Variants in IL1RAPL2 observed in about 807,000 individuals in gnomAD.
The protein encoded by IL1RAPL2 is interleukin 1 receptor accessory protein like 2.
Under a neutral mutation model 44.1 loss-of-function variants are expected in IL1RAPL2, and 3 were observed. That is an observed-to-expected ratio of 0.07 (90% CI 0.03 to 0.18). The LOEUF is 0.18. Ranked by LOEUF, IL1RAPL2 falls within the 10% of genes least tolerant of loss-of-function variation. The probability of loss-of-function intolerance (pLI) is 1.00; values close to 1 mark genes in which losing one functional copy is unlikely to be tolerated. For synonymous variants in IL1RAPL2, 181 were observed against 178.8 expected, an observed-to-expected ratio of 1.01 and a Z score of -0.10; for missense variants, 391 against 496.4, an observed-to-expected ratio of 0.79 and a Z score of 2.02.
At chrX:104,808,031 C>T (rs1326652727) in intron 2 of IL1RAPL2, among the ~76,000 whole-genome samples, 2 of 111,808 alleles carry the variant, frequency 1.8e-5, no homozygotes, top group African/African-American at 6.5e-5. Context: ...TATTTTCACT[C>T]TAGTTTTCTA....
chrX:104,609,416 A>G (rs975560353), intron 1 of IL1RAPL2, among the ~76,000 whole-genome samples: 1 of 111,397 alleles, frequency 9.0e-6, no homozygotes, highest in African/African-American at 3.3e-5. Context: ...CTAGGTTGGG[A>G]AAGTTCTAGA....
chrX:105,329,776 T>C (rs2034971662), intron 5 of IL1RAPL2, among the ~76,000 whole-genome samples: 5 of 111,319 alleles, frequency 4.5e-5, no homozygotes, highest in Admixed American at 3.9e-4. Flanking sequence ...ACACTGTATT[T>C]CAAAGAGTTA....
chrX:104,757,869 T>C (rs1435906335), intron 2 of IL1RAPL2, among the ~76,000 whole-genome samples: 2 of 111,847 alleles, frequency 1.8e-5, no homozygotes, highest in African/African-American at 6.5e-5. Flanking sequence ...TTGTGTACAG[T>C]CCCTTCCACA....
intron 2 of IL1RAPL2, among the ~76,000 whole-genome samples, chrX:105,187,525 A>T (rs1489443378): frequency 8.9e-6 from 1 of 112,147 alleles, no homozygotes; most frequent in East Asian, 2.8e-4. Flanking sequence ...TTGTATACAC[A>T]CACACAATGG....
intron 2 of IL1RAPL2, among the ~76,000 whole-genome samples, chrX:104,732,766 A>G (rs1377849202): frequency 8.9e-6 from 1 of 111,741 alleles, no homozygotes; most frequent in East Asian, 2.8e-4. Context: ...ATTCCCCTGA[A>G]CTAATTTTCA....
chrX:104,939,433 C>T (rs1008863511), intron 2 of IL1RAPL2, among the ~76,000 whole-genome samples: 9 of 111,074 alleles, frequency 8.1e-5, no homozygotes, highest in African/African-American at 2.6e-4. Flanking sequence ...CTAGAGATCT[C>T]GATTTATTTT....
intron 2 of IL1RAPL2, among the ~76,000 whole-genome samples, chrX:105,184,075 C>A (rs2033560383): frequency 9.0e-6 from 1 of 111,639 alleles, no homozygotes; most frequent in African/African-American, 3.3e-5. Context: ...GGAATGTGGA[C>A]TGCTGGGGTC....
At chrX:105,252,535 G>A (rs957428544) in intron 4 of IL1RAPL2, among the ~76,000 whole-genome samples, 1 of 111,663 alleles carries the variant, frequency 9.0e-6, no homozygotes, top group Non-Finnish European at 1.9e-5. Flanking sequence ...GGCTTAGAAG[G>A]TCCTTGAGTA....
chrX:105,442,151 C>T (rs1188712579), intron 5 of IL1RAPL2, among the ~76,000 whole-genome samples: 3 of 109,773 alleles, frequency 2.7e-5, no homozygotes, highest in East Asian at 2.9e-4. Context: ...CCTGGGTTCA[C>T]GCCATTCTCC....
chrX:104,718,990 G>A (rs753158308), intron 2 of IL1RAPL2, among the ~76,000 whole-genome samples: 1 of 111,879 alleles, frequency 8.9e-6, no homozygotes. Flanking sequence ...CACATAGTGG[G>A]TTGTAGTTTC....
intron 5 of IL1RAPL2, among the ~76,000 whole-genome samples, chrX:105,334,177 A>G (rs1179547179): frequency 8.9e-6 from 1 of 112,363 alleles, no homozygotes; most frequent in East Asian, 2.8e-4. Flanking sequence ...ATGGAGTACA[A>G]TTCAGCCATA....
At chrX:105,049,720 T>C (rs1205899064) in intron 2 of IL1RAPL2, among the ~76,000 whole-genome samples, 1 of 111,754 alleles carries the variant, frequency 8.9e-6, no homozygotes, top group East Asian at 2.8e-4. Context: ...TAAATCAACA[T>C]TAATATGCTT....
chrX:105,467,020 G>A (rs748834963), intron 5 of IL1RAPL2, among the ~76,000 whole-genome samples: 2 of 110,966 alleles, frequency 1.8e-5, no homozygotes, highest in East Asian at 5.8e-4. Flanking sequence ...ATTTATTCAT[G>A]ATAGCAGAGC....
intron 2 of IL1RAPL2, among the ~76,000 whole-genome samples, chrX:104,677,002 A>T (rs927472268): frequency 3.6e-5 from 4 of 110,361 alleles, no homozygotes; most frequent in African/African-American, 9.9e-5. Context: ...TATATTCAAA[A>T]TTTTTTTCAA....
At chrX:104,937,469 C>A (rs1196293903) in intron 2 of IL1RAPL2, among the ~76,000 whole-genome samples, 3 of 112,026 alleles carry the variant, frequency 2.7e-5, no homozygotes, top group African/African-American at 9.7e-5. Context: ...TACCCAGTTA[C>A]TACAAACTCC....
chrX:105,447,238 AT>A (rs2035969164), intron 5 of IL1RAPL2, among the ~76,000 whole-genome samples: 2 of 29,249 alleles, frequency 6.8e-5, no homozygotes, highest in Admixed American at 1.5e-3. Context: ...AAATATATAT[AT>A]AAATATAAAT....
intron 2 of IL1RAPL2, among the ~76,000 whole-genome samples, chrX:105,138,542 A>G (rs1248800958): frequency 9.1e-6 from 1 of 109,543 alleles, no homozygotes; most frequent in Non-Finnish European, 1.9e-5. Context: ...AAGGTGTTAT[A>G]AGAAATTAGA....
intron 6 of IL1RAPL2, among the ~76,000 whole-genome samples, chrX:105,691,023 C>G (rs2038031215): frequency 9.0e-6 from 1 of 111,148 alleles, no homozygotes; most frequent in African/African-American, 3.3e-5. Context: ...GGTCACAGTC[C>G]TATCAGATCA....
intron 1 of IL1RAPL2, among the ~76,000 whole-genome samples, chrX:104,579,108 T>G (rs2147991217): frequency 9.0e-6 from 1 of 111,593 alleles, no homozygotes; most frequent in South Asian, 3.8e-4. Flanking sequence ...GAAAAAGGAC[T>G]TGGGGTAGGG....
Sources: gnomAD v4.1 joint callset for allele counts (sites outside exome capture counted in the v4.1 genomes callset) on GRCh38, gnomAD v4.1.1 for gene constraint, MANE v1.5 for transcripts, NCBI Gene and HGNC (gene_info 2026-07-23, HGNC 2026-07-21) for gene names.